RB1CC1: variants seen among roughly 807,000 people sequenced by gnomAD.
RB1CC1 encodes RB1 inducible coiled-coil 1.
In RB1CC1, 46 loss-of-function variants were observed where a neutral mutation model predicts 177.5. That is an observed-to-expected ratio of 0.26 (90% CI 0.20 to 0.33). The LOEUF is 0.33. RB1CC1 is among the 10% of genes least tolerant of loss of function. The pLI, the probability that RB1CC1 is intolerant of heterozygous loss-of-function variation, is 1.00. For missense variants in RB1CC1, 1,703 were observed against 1,816.3 expected, an observed-to-expected ratio of 0.94 and a Z score of 1.13; for synonymous variants, 666 against 613.6, an observed-to-expected ratio of 1.09 and a Z score of -1.26.
chr8:52,684,697 A>C (rs2150599614), intron 3 of RB1CC1, among the ~76,000 whole-genome samples: 1 of 152,340 alleles, frequency 6.6e-6, no homozygotes, highest in African/African-American at 2.4e-5. Context: ...TAAACTGAAT[A>C]AAAACAAATG....
At chr8:52,662,054 A>G (rs1188738859) in intron 8 of RB1CC1, among the ~76,000 whole-genome samples, 1 of 152,124 alleles carries the variant, frequency 6.6e-6, no homozygotes, top group Admixed American at 6.5e-5. Flanking sequence ...TCACAGCACA[A>G]ACAAAACAAG....
At chr8:52,687,509 G>A (rs1379882659) in intron 1 of RB1CC1, among the ~76,000 whole-genome samples, 3 of 152,100 alleles carry the variant, frequency 2.0e-5, no homozygotes, top group Non-Finnish European at 2.9e-5. Flanking sequence ...GTAGGTAATC[G>A]TTACTTAAGA....
chr8:52,646,328 A>C (rs1176933583), intron 15 of RB1CC1, among the ~76,000 whole-genome samples: 1 of 152,154 alleles, frequency 6.6e-6, no homozygotes, highest in Non-Finnish European at 1.5e-5. Context: ...AACAAAAAAA[A>C]ACAACAGCCA....
chr8:52,692,484 A>C (rs928833119), intron 1 of RB1CC1, among the ~76,000 whole-genome samples: 16 of 152,202 alleles, frequency 1.1e-4, no homozygotes, highest in African/African-American at 3.6e-4. Flanking sequence ...GAAGTATATG[A>C]TATTCTTACA....
chr8:52,678,628 G>C (rs1337010665), intron 5 of RB1CC1, among the ~76,000 whole-genome samples: 1 of 152,084 alleles, frequency 6.6e-6, no homozygotes, highest in Non-Finnish European at 1.5e-5. Context: ...ATATTTTGCT[G>C]ATATATTTGC....
chr8:52,654,662 C>T (rs563863404), intron 15 of RB1CC1, among the ~76,000 whole-genome samples: 35 of 152,254 alleles, frequency 2.3e-4, no homozygotes, highest in African/African-American at 7.7e-4. Flanking sequence ...CTCTAGGCTT[C>T]GACCTTGACA....
intron 1 of RB1CC1, among the ~76,000 whole-genome samples, chr8:52,690,324 A>G (rs1446441780): frequency 6.6e-6 from 1 of 152,184 alleles, no homozygotes; most frequent in East Asian, 1.9e-4. Flanking sequence ...ATTCATCCAA[A>G]TCCAAAACAC....
intron 12 of RB1CC1, among the ~76,000 whole-genome samples, chr8:52,659,514 C>G (rs7004260): frequency 0.44 from 66,684 of 151,448 alleles, 16,202 homozygotes; most frequent in East Asian, 0.83. Context: ...ATAAAATTGC[C>G]AAGAGTTGCA....
chr8:52,676,404 C>T lies in RB1CC1; in HGVS notation c.537G>A (p.Leu179=). The T allele has an allele frequency of 6.2e-7, 1 of 1,611,780 alleles. No homozygotes were observed. Among genetic ancestry groups the T allele is most frequent in the Non-Finnish European group, 8.5e-7 (1 of 1,178,568 alleles). The stretch of plus-strand genomic sequence containing the variant: ...TTAACTTGATGTCTTCTATGGACTG[C>T]AGATAATTTGAATAAATACTTTCAA... ...FKFESIYSNY[L]QSIEDIKLKL... The change falls in exon 6 of 24, where the codon CTG becomes CTA. Residue 179 remains leucine (L), a synonymous_variant. Transcript: ENST00000025008.
chr8:52,697,836 T>C (rs926212417), intron 1 of RB1CC1, among the ~76,000 whole-genome samples: 2 of 152,224 alleles, frequency 1.3e-5, no homozygotes, highest in African/African-American at 4.8e-5. Flanking sequence ...TTATGATGTT[T>C]CTGGAAAGCA....
intron 1 of RB1CC1, among the ~76,000 whole-genome samples, chr8:52,695,563 C>A (rs1008056610): frequency 1.2e-4 from 18 of 152,272 alleles, no homozygotes; most frequent in African/African-American, 4.1e-4. Flanking sequence ...CCAGAAAGGG[C>A]TAGAGACTAA....
chr8:52,685,334 A>T, intron 3 of RB1CC1, 65 bp downstream of exon 3: 1 of 1,224,644 alleles, frequency 8.2e-7, no homozygotes. Context: ...ACAGTAGAAT[A>T]ATATTTCTTT....
chr8:52,690,948 C>T (rs1299908646), intron 1 of RB1CC1, among the ~76,000 whole-genome samples: 2 of 152,132 alleles, frequency 1.3e-5, no homozygotes, highest in Non-Finnish European at 1.5e-5. Context: ...GAATGTCTTA[C>T]CTAACAGCAA....
chr8:52,650,319 G>C (rs1258705272), intron 15 of RB1CC1, among the ~76,000 whole-genome samples: 1 of 152,244 alleles, frequency 6.6e-6, no homozygotes, highest in African/African-American at 2.4e-5. Context: ...ATGCTGAAGA[G>C]AGAGACTCTG....
intron 13 of RB1CC1, 111 bp from the exon 14 acceptor site, chr8:52,658,235 T>C: frequency 2.6e-6 from 3 of 1,173,680 alleles, no homozygotes; most frequent in Non-Finnish European, 3.5e-6. Flanking sequence ...TCATTCCTTT[T>C]TAAATTAATA....
At chr8:52,679,442 T>C (rs936038294) in intron 5 of RB1CC1, among the ~76,000 whole-genome samples, 2 of 152,208 alleles carry the variant, frequency 1.3e-5, no homozygotes, top group African/African-American at 4.8e-5. Flanking sequence ...AAAATGCAGA[T>C]GCACTGAGCC....
chr8:52,686,860 C>A lies in RB1CC1; in HGVS notation c.-59G>T. ...GTAGAAACTGTGACTTACCGTCAGG[C>A]ACTGTGAAAAGGACTACCACTTTTC... is the stretch of plus-strand genomic sequence containing the variant. On this transcript the variant is annotated 5_prime_UTR_variant, in exon 2 of 24. Transcript: ENST00000025008. 1 of 454,552 alleles carries A rather than the reference C, an allele frequency of 2.2e-6. No individual in the cohort carries two copies. The highest frequency in any genetic ancestry group is 4.4e-6 in the Non-Finnish European group (1 of 226,336). The allele number at this position is 454,552 out of a possible 1,614,324, so 28.2% of individuals were successfully genotyped here. A position where few individuals can be genotyped will look rare whatever the true frequency, so the allele number is the denominator to read the frequency against.
At chr8:52,636,151 C>T (rs754035683) in intron 18 of RB1CC1, 82 bp from the exon 19 acceptor site, 7 of 1,400,542 alleles carry the variant, frequency 5.0e-6, no homozygotes, top group Non-Finnish European at 6.7e-6. Context: ...AATATTAATA[C>T]AGATCACTTT....
At chr8:52,709,815 C>A (rs1045901972) in intron 1 of RB1CC1, among the ~76,000 whole-genome samples, 3 of 152,238 alleles carry the variant, frequency 2.0e-5, no homozygotes, top group Admixed American at 2.0e-4. Context: ...ACCCCAATGA[C>A]AATCTCTGAC....
Sources: allele counts gnomAD v4.1 joint callset (sites outside exome capture counted in the v4.1 genomes callset), GRCh38; gene constraint gnomAD v4.1.1; transcripts MANE v1.5; gene names NCBI Gene and HGNC (gene_info 2026-07-23, HGNC 2026-07-21).